Variants in CCDC14 observed in about 807,000 individuals in gnomAD.
The protein encoded by CCDC14 is coiled-coil domain containing 14.
In CCDC14, 71 loss-of-function variants were observed where a neutral mutation model predicts 81.4. That is an observed-to-expected ratio of 0.87 (90% confidence interval 0.72 to 1.06). The LOEUF is 1.06. Ranked by LOEUF, CCDC14 falls within the 50% of genes least tolerant of loss-of-function variation. CCDC14 has a pLI of 0.00. For missense variants in CCDC14, 1,046 were observed against 1,047.3 expected (o/e 1.00, Z 0.02); for synonymous variants, 332 against 364.8 (o/e 0.91, Z 1.03).
rs1322663095 is a variant in CCDC14, at chr3:123,955,896, T to A, written c.299A>T (p.Lys100Ile). The A allele has an allele frequency of 6.5e-7, 1 of 1,539,214 alleles. No individual in the cohort carries two copies. The highest frequency in any genetic ancestry group is 8.8e-7 in the Non-Finnish European group (1 of 1,139,542). Residue 100 changes from lysine to isoleucine, a missense_variant, in exon 5 of 13, where the codon AAA becomes ATA. Coordinates refer to ENST00000409697, the MANE Select transcript of CCDC14 (RefSeq NM_001366335.1). Reference sequence around the variant, plus strand: ...AGTATGTTTTTCATGTCTTTTCTTTTTTGATCCGTATCTTTTGCTTTCTAA... The same window carrying A: ...AGTATGTTTTTCATGTCTTTTCTTTATTGATCCGTATCTTTTGCTTTCTAA... Reference protein sequence around the residue: ...RPLESKRYGSKKKRHEKHTIP... With the variant: ...RPLESKRYGSIKKRHEKHTIP...
downstream of CCDC14, among the ~76,000 whole-genome samples, chr3:123,912,447 A>G (rs562130787): frequency 4.6e-5 from 7 of 152,308 alleles, no homozygotes; most frequent in South Asian, 1.2e-3. Context: ...CATTTTAGAC[A>G]TCGCTCAGTG....
intron 9 of CCDC14, among the ~76,000 whole-genome samples, chr3:123,936,680 G>C (rs1034511686): frequency 3.9e-5 from 6 of 152,044 alleles, no homozygotes; most frequent in African/African-American, 1.4e-4. Flanking sequence ...CTGGGGTCTG[G>C]ATGGTAGGAG....
At chr3:123,892,299 G>A in the CCDC14 span, among the ~76,000 whole-genome samples, 431 of 152,330 alleles carry the variant, frequency 2.8e-3, 3 homozygotes, top group African/African-American at 9.8e-3. Context: ...TGAAGCAATT[G>A]TCTGAGCTGT....
chr3:123,922,484 G>A (rs1448322343), intron 12 of CCDC14, among the ~76,000 whole-genome samples: 1 of 152,060 alleles, frequency 6.6e-6, no homozygotes, highest in East Asian at 1.9e-4. Flanking sequence ...TAGACTAAGA[G>A]AAGGAGAGAG....
intron 9 of CCDC14, among the ~76,000 whole-genome samples, chr3:123,942,089 G>C (rs192509918): frequency 2.0e-5 from 3 of 151,728 alleles, no homozygotes. Flanking sequence ...CTTCCTAACC[G>C]AGACAGTGTA....
chr3:123,910,244 A>T (rs954082270), downstream of CCDC14, among the ~76,000 whole-genome samples: 1 of 152,158 alleles, frequency 6.6e-6, no homozygotes, highest in Non-Finnish European at 1.5e-5. Flanking sequence ...CCCTAATATG[A>T]TCTGCAGCGT....
chr3:123,903,297 A>C (rs1318498554), intron 5 of CCDC14, among the ~76,000 whole-genome samples: 2 of 144,210 alleles, frequency 1.4e-5, no homozygotes, highest in African/African-American at 5.3e-5. Context: ...TTATTTTTCA[A>C]ACACACACAC....
intron 8 of CCDC14, among the ~76,000 whole-genome samples, chr3:123,945,583 AAC>A (rs1213163907): frequency 6.6e-6 from 1 of 152,134 alleles, no homozygotes; most frequent in Non-Finnish European, 1.5e-5. Flanking sequence ...GGAGATTGCA[AAC>A]AGACACAGGC....
Position 123,956,032 on chromosome 3 carries a change from T to TTA in CCDC14, c.229+13_229+14insTA. On this transcript the variant is annotated intron_variant, in intron 4 of 12. Transcript: ENST00000409697. ...TGAGATAAGGTGATCAGCAAAGAAT[T>TTA]AAAAAAAAAAAACCTGAATCTTCAT... The TTA allele has an allele frequency of 7.6e-6, 9 of 1,190,838 alleles. No homozygotes were observed. Among genetic ancestry groups the TTA allele is most frequent in the Non-Finnish European group, 1.0e-5 (9 of 872,784 alleles). 73.8% of individuals were successfully genotyped at this position (1,190,838 alleles called of 1,614,324 possible).
chr3:123,939,421 T>C (rs2036226560), intron 9 of CCDC14, among the ~76,000 whole-genome samples: 1 of 149,862 alleles, frequency 6.7e-6, no homozygotes, highest in Non-Finnish European at 1.5e-5. Flanking sequence ...ATCTTCTATG[T>C]CCTATTCATC....
At chr3:123,918,444 T>C (rs929745226) in intron 12 of CCDC14, among the ~76,000 whole-genome samples, 1 of 152,172 alleles carries the variant, frequency 6.6e-6, no homozygotes, top group Admixed American at 6.5e-5. Flanking sequence ...GTCCCCCTCA[T>C]AGAAATCGAA....
chr3:123,931,370 T>C lies in CCDC14; in HGVS notation c.1583A>G (p.Lys528Arg), dbSNP rs2035697664. The part of the protein sequence containing the change: ...NKKFSSIFKD[K>R]DQTILENKQQ... ...TTTATTTTCAAGTATAGTTTGATCT[T>C]TGTCTTTAAATATACTACTAAATTT... Residue 528 changes from lysine (K) to arginine (R), a missense_variant, in exon 11 of 13, where the codon AAA (lysine) becomes AGA (arginine). Physicochemically the swap from Lys to Arg is conservative, Grantham distance 26. Transcript: ENST00000409697. 2.6e-6 allele frequency: 4 copies of C among 1,522,548 alleles called. No homozygotes were observed. Among genetic ancestry groups the C allele is most frequent in the Non-Finnish European group, 2.7e-6 (3 of 1,120,742 alleles). The allele number at this position is 1,522,548 out of a possible 1,614,324, so 94.3% of individuals were successfully genotyped here.
At chr3:123,928,457 G>C (rs1553714172) in intron 12 of CCDC14, among the ~76,000 whole-genome samples, 1 of 151,754 alleles carries the variant, frequency 6.6e-6, no homozygotes, top group Non-Finnish European at 1.5e-5. Context: ...AGTGAGCCAA[G>C]ATAGCGCCAC....
At chr3:123,895,088 A>ATG (rs2034038626), downstream of CCDC14, among the ~76,000 whole-genome samples, 1 of 152,206 alleles carries the variant, frequency 6.6e-6, no homozygotes, top group Admixed American at 6.5e-5. Flanking sequence ...TCTTGAAACA[A>ATG]TGTAAGTTAG....
In CCDC14 at chr3:123,915,662, C is replaced by T. The variant is rs142824937; in HGVS notation, c.1835G>A (p.Arg612His). ...LLSDLSVDSARCKPGNNLTKS... is the reference protein window; with the variant it reads ...LLSDLSVDSAHCKPGNNLTKS... ...GGTAAGGTTATTCCCAGGCTTGCAGCGAGCACTGTCCACACTAAGATCGGA... is the reference window on the plus strand; with the variant it reads ...GGTAAGGTTATTCCCAGGCTTGCAGTGAGCACTGTCCACACTAAGATCGGA... Residue 612 changes from arginine to histidine, a missense_variant, in exon 13 of 13, where the codon CGC becomes CAC. Transcript: ENST00000409697. 9.7e-5 allele frequency: 156 copies of T among 1,613,962 alleles called. No homozygotes were observed. The highest frequency in any genetic ancestry group is 9.6e-4 in the African/African-American group (72 of 75,030).
At chr3:123,953,075 C>T (rs998517659) in intron 5 of CCDC14, 1 of 155,628 alleles carries the variant, frequency 6.4e-6, no homozygotes, top group Non-Finnish European at 1.4e-5. Flanking sequence ...GAATTTAACG[C>T]TATGGACCCA....
chr3:123,924,361 C>T (rs1037775708), intron 12 of CCDC14, among the ~76,000 whole-genome samples: 1 of 152,092 alleles, frequency 6.6e-6, no homozygotes, highest in Non-Finnish European at 1.5e-5. Flanking sequence ...GGGAAAAGCT[C>T]CATGACACTG....
rs2037663805 is a variant in CCDC14, at chr3:123,961,152, G to C, written c.22C>G (p.Pro8Ala). 3 of 1,551,508 alleles carry C rather than the reference G, an allele frequency of 1.9e-6. No homozygotes were observed. The East Asian group carries it at 7.3e-5, about 38-fold the overall frequency. ...AGGTCCTCAGCCCTCACCTGGCCCGGTCGAGCTCCAGACCTGACCATCTCT... is the reference window on the plus strand; with the variant it reads ...AGGTCCTCAGCCCTCACCTGGCCCGCTCGAGCTCCAGACCTGACCATCTCT... The part of the protein sequence containing the change: MVRSGAR[P>A]GQVLSSGRHT... The change falls in exon 1 of 13, where the codon CCG becomes GCG. Residue 8 changes from proline (P) to alanine (A), a missense_variant. By Grantham distance (27) the Pro-to-Ala change is conservative. Transcript: ENST00000409697.
At position 123,915,037 on chromosome 3, in the gene CCDC14, A is replaced by G; in HGVS notation, c.2460T>C (p.Pro820=). ...KKIKEAIGKI[P]AATKEPEEQT... ...GTTCCTCTGGCTCCTTGGTGGCAGCAGGGATCTTACCAATTGCTTCCTTTA... is the reference window on the plus strand; with the variant it reads ...GTTCCTCTGGCTCCTTGGTGGCAGCGGGGATCTTACCAATTGCTTCCTTTA... The change falls in exon 13 of 13, where the codon CCT becomes CCC. Residue 820 remains proline (P), a synonymous_variant. Coordinates refer to ENST00000409697, the MANE Select transcript of CCDC14 (RefSeq NM_001366335.1). 2 of 1,614,060 alleles carry G rather than the reference A, an allele frequency of 1.2e-6. No homozygotes were observed. Among genetic ancestry groups the G allele is most frequent in the East Asian group, 4.5e-5 (2 of 44,890 alleles).
Sources: gnomAD v4.1 joint callset for allele counts (sites outside exome capture counted in the v4.1 genomes callset) on GRCh38, gnomAD v4.1.1 for gene constraint, MANE v1.5 for transcripts, NCBI Gene and HGNC (gene_info 2026-07-23, HGNC 2026-07-21) for gene names.